Variants in MBD2 observed in about 807,000 individuals in gnomAD.
MBD2 encodes the protein methyl-CpG binding domain protein 2, also known as methyl-CpG-binding domain protein 2.
In MBD2, 9 loss-of-function variants were observed where a neutral mutation model predicts 39.3. The observed-to-expected ratio is 0.23, with a 90% CI of 0.14 to 0.40. The LOEUF is 0.40. MBD2 is among the 10% of genes least tolerant of loss of function. The pLI, the probability that MBD2 is intolerant of heterozygous loss-of-function variation, is 1.00. For synonymous variants in MBD2, 233 were observed against 211.1 expected, an observed-to-expected ratio of 1.10 and a Z score of -0.90; for missense variants, 458 against 532.6, an observed-to-expected ratio of 0.86 and a Z score of 1.38.
intron 2 of MBD2, among the ~76,000 whole-genome samples, chr18:54,201,211 C>T (rs1183101136): frequency 6.6e-6 from 1 of 152,170 alleles, no homozygotes. Context: ...TAACTTTTTC[C>T]CTTTAAGGTC....
intron 1 of MBD2, 95 bp from the exon 2 acceptor site, chr18:54,205,252 T>C: frequency 9.4e-7 from 1 of 1,064,028 alleles, no homozygotes; most frequent in Non-Finnish European, 1.4e-6. Flanking sequence ...TGATACCCCA[T>C]TCTAATTTTA....
intron 1 of MBD2, among the ~76,000 whole-genome samples, chr18:54,222,817 A>C (rs926023443): frequency 2.6e-5 from 4 of 152,262 alleles, no homozygotes; most frequent in Non-Finnish European, 5.9e-5. Context: ...AGCAGTGATC[A>C]CATTCTTGTG....
At chr18:54,211,752 C>T (rs1182168642) in intron 1 of MBD2, among the ~76,000 whole-genome samples, 2 of 152,222 alleles carry the variant, frequency 1.3e-5, no homozygotes, top group African/African-American at 2.4e-5. Flanking sequence ...TCCTAAAACA[C>T]CACTTTGACA....
chr18:54,213,189 T>C (rs1355253654), intron 1 of MBD2, among the ~76,000 whole-genome samples: 1 of 152,112 alleles, frequency 6.6e-6, no homozygotes, highest in Non-Finnish European at 1.5e-5. Flanking sequence ...GCCCTAGCCC[T>C]GGCCACTGAC....
chr18:54,222,604 C>T (rs2086625085), intron 1 of MBD2, among the ~76,000 whole-genome samples: 1 of 152,214 alleles, frequency 6.6e-6, no homozygotes, highest in African/African-American at 2.4e-5. Flanking sequence ...ACTGGGACCA[C>T]AGGTGATTAC....
intron 3 of MBD2, among the ~76,000 whole-genome samples, chr18:54,173,223 C>T (rs2086190286): frequency 6.6e-6 from 1 of 152,048 alleles, no homozygotes; most frequent in African/African-American, 2.4e-5. Flanking sequence ...TCACCTGGAC[C>T]TAAGGTCAGT....
At position 54,189,025 on chromosome 18, in the gene MBD2, T is replaced by A. The variant is rs752916688; in HGVS notation, c.703-14A>T. On this transcript the variant is annotated splice_polypyrimidine_tract_variant and intron_variant, in intron 2 of 6. Transcript: ENST00000256429. ...GTCTGGTTTACCCTGTGAATATAAA[T>A]GTATTTTTATTTAAAATATTATATA... The A allele has an allele frequency of 1.3e-5, 20 of 1,533,618 alleles. No individual in the cohort carries two copies. Among genetic ancestry groups the A allele is most frequent in the Non-Finnish European group, 1.7e-5 (19 of 1,127,536 alleles).
In MBD2 at chr18:54,152,980, G is replaced by A. The variant is rs1437036488; in HGVS notation, c.*2344C>T. On this transcript the variant is annotated 3_prime_UTR_variant, in exon 7 of 7. Coordinates refer to ENST00000256429, the MANE Select transcript of MBD2 (RefSeq NM_003927.5). ...AAAATCACTCTAAACTGCATACAAA[G>A]ATAAGTGAGGGAAATAATACAGTCA... 6.6e-6 allele frequency: 1 copy of A among 152,180 alleles called. No homozygotes were observed. Among genetic ancestry groups the A allele is most frequent in the Non-Finnish European group, 1.5e-5 (1 of 68,042 alleles). The allele number at this position is 152,180 out of a possible 1,614,324, so 9.4% of individuals were successfully genotyped here.
intron 3 of MBD2, among the ~76,000 whole-genome samples, chr18:54,167,799 T>C (rs1408633137): frequency 1.3e-5 from 2 of 152,142 alleles, no homozygotes; most frequent in Non-Finnish European, 2.9e-5. Flanking sequence ...TATGAGGATA[T>C]AAATATATTA....
intron 1 of MBD2, among the ~76,000 whole-genome samples, chr18:54,208,133 C>T (rs559538018): frequency 2.0e-5 from 3 of 152,162 alleles, no homozygotes; most frequent in Non-Finnish European, 4.4e-5. Flanking sequence ...TATTGGTAAA[C>T]GACATTCTGA....
intron 2 of MBD2, among the ~76,000 whole-genome samples, chr18:54,200,942 T>C (rs2086402800): frequency 6.6e-6 from 1 of 151,826 alleles, no homozygotes; most frequent in Non-Finnish European, 1.5e-5. Context: ...TAGCTGGGCG[T>C]GGTGGCGGGG....
At chr18:54,202,784 C>T in intron 2 of MBD2, 3 of 1,528,332 alleles carry the variant, frequency 2.0e-6, no homozygotes, top group Non-Finnish European at 2.6e-6. Flanking sequence ...ATATTAAGTA[C>T]CTACCGTGTG....
At chr18:54,163,545 G>C (rs988667539) in intron 5 of MBD2, among the ~76,000 whole-genome samples, 21 of 152,056 alleles carry the variant, frequency 1.4e-4, no homozygotes, top group African/African-American at 5.1e-4. Flanking sequence ...GAGTACTTTT[G>C]CTTTTCCTGT....
intron 3 of MBD2, among the ~76,000 whole-genome samples, chr18:54,177,860 A>G (rs1489235159): frequency 1.9e-5 from 2 of 106,326 alleles, no homozygotes; most frequent in Admixed American, 1.5e-4. Context: ...GAGACAGAGT[A>G]TCACTCTGTT....
intron 2 of MBD2, among the ~76,000 whole-genome samples, chr18:54,189,352 T>C (rs1356634612): frequency 6.6e-6 from 1 of 151,124 alleles, no homozygotes; most frequent in Non-Finnish European, 1.5e-5. Context: ...GCCTCCCGAG[T>C]AGCTGGGACT....
intron 3 of MBD2, among the ~76,000 whole-genome samples, chr18:54,185,337 CA>C (rs1261363593): frequency 1.3e-5 from 2 of 152,088 alleles, no homozygotes; most frequent in East Asian, 3.9e-4. Flanking sequence ...ATTACCCCTA[CA>C]AAAAAGTGAA....
rs147687860 is a variant in MBD2, at chr18:54,180,754, T to C, written c.840+8120A>G. Among the ~76,000 whole-genome samples, 5 of 152,256 alleles carry C rather than the reference T, an allele frequency of 3.3e-5. No homozygotes were observed. The East Asian group carries it at 9.6e-4, about 29-fold the overall frequency. ...TTAAAAACACTATTCGATTTTTTCA[T>C]CTGTATTCCTATGTTACTTAGAGAA... On this transcript the variant is annotated intron_variant, in intron 3 of 6. Transcript: ENST00000256429.
At position 54,188,924 on chromosome 18, in the gene MBD2, T is replaced by C. The variant is rs1378730948; in HGVS notation, c.790A>G (p.Ser264Gly). The C allele has an allele frequency of 8.1e-6, 13 of 1,610,282 alleles. No homozygotes were observed. In the East Asian group the frequency reaches 2.9e-4, roughly 36 times the overall value. Residue 264 changes from serine (S) to glycine (G), a missense_variant, in exon 3 of 7, where the codon AGT (serine) becomes GGT (glycine). This residue lies in a region of MBD2 where 189 missense variants were observed against 296.6 expected (regional missense o/e 0.64). Coordinates refer to ENST00000256429, the MANE Select transcript of MBD2 (RefSeq NM_003927.5). ...TGTGGGTCTGATTTCACTTTATTAC[T>C]AGGATGATTTGTGACTTTGGTTACC... ...QPVTKVTNHPSNKVKSDPQRM... is the reference protein window; with the variant it reads ...QPVTKVTNHPGNKVKSDPQRM...
At chr18:54,199,296 G>T (rs559298247) in intron 2 of MBD2, among the ~76,000 whole-genome samples, 1 of 152,146 alleles carries the variant, frequency 6.6e-6, no homozygotes, top group Non-Finnish European at 1.5e-5. Context: ...GCTAGACAAA[G>T]TCTTTATCCT....
Sources: allele counts gnomAD v4.1 joint callset (sites outside exome capture counted in the v4.1 genomes callset), GRCh38; gene constraint gnomAD v4.1.1; regional missense constraint gnomAD v4.1.1; transcripts MANE v1.5; gene names NCBI Gene and HGNC (gene_info 2026-07-23, HGNC 2026-07-21).